The following MEGF10 variants were observed in gnomAD, a reference collection of about 807,000 sequenced individuals.
The protein encoded by MEGF10 is multiple EGF like domains 10, also known as multiple epidermal growth factor-like domains protein 10.
In MEGF10, 86 loss-of-function variants were observed where a neutral mutation model predicts 147.5. The ratio of observed to expected loss-of-function variants is 0.58; its 90% CI spans 0.49 to 0.70. MEGF10 has a LOEUF of 0.70. MEGF10 is among the 30% of genes least tolerant of loss of function. The pLI, the probability that MEGF10 is intolerant of heterozygous loss-of-function variation, is 0.00. For synonymous variants in MEGF10, 478 were observed against 525.5 expected (o/e 0.91, Z 1.24); for missense variants, 1,329 against 1,487.3 (o/e 0.89, Z 1.75).
rs142090347 is a variant in MEGF10 at position 127,432,224 on chromosome 5, ATCT to A, written c.1694-1134_1694-1132del. On this transcript the variant is annotated intron_variant, in intron 13 of 24. Coordinates refer to ENST00000503335, the MANE Select transcript of MEGF10 (RefSeq NM_001256545.2). Reference sequence around the variant, plus strand: ...AAAAAACAGGAACAGTAAAAAGTGGATCTTCTTGCTATTCCAGTGTTCACCGGA... The same window carrying A: ...AAAAAACAGGAACAGTAAAAAGTGGATCTTGCTATTCCAGTGTTCACCGGA... Among the ~76,000 whole-genome samples the A allele has an allele frequency of 2.3e-3, 352 of 152,284 alleles. 1 individual carries two copies. Among genetic ancestry groups the A allele is most frequent in the African/African-American group, 7.8e-3 (325 of 41,568 alleles).
At chr5:127,444,810 C>T (rs934531135) in intron 19 of MEGF10, 1 of 152,364 alleles carries the variant, frequency 6.6e-6, no homozygotes, top group African/African-American at 2.4e-5. Flanking sequence ...TTGAAATTAG[C>T]AAAAGGTAGA....
chr5:127,243,156 G>A, the MEGF10 span, among the ~76,000 whole-genome samples: 3 of 152,094 alleles, frequency 2.0e-5, no homozygotes, highest in African/African-American at 4.8e-5. Context: ...ACAGAGTAAA[G>A]ACATCCTGTG....
At chr5:127,240,106 A>G in the MEGF10 span, among the ~76,000 whole-genome samples, 2 of 152,164 alleles carry the variant, frequency 1.3e-5, no homozygotes, top group African/African-American at 4.8e-5. Flanking sequence ...TTCTGGCCTC[A>G]GGGCAGTTTT....
chr5:127,424,715 A>G (rs150643800), intron 13 of MEGF10: 6 of 246,812 alleles, frequency 2.4e-5, no homozygotes, highest in Non-Finnish European at 4.1e-5. Context: ...GGCCTCCCCA[A>G]CCCTGTAGTT....
chr5:127,362,748 A>C (rs1762523511), intron 4 of MEGF10, among the ~76,000 whole-genome samples: 1 of 152,120 alleles, frequency 6.6e-6, no homozygotes, highest in African/African-American at 2.4e-5. Context: ...CAATCTGTTA[A>C]TATCTGTCTT....
At position 127,435,468 on chromosome 5, in the gene MEGF10, A is replaced by C; in HGVS notation, c.2083A>C (p.Ile695Leu). The C allele has an allele frequency of 1.2e-6, 2 of 1,614,018 alleles. No homozygotes were observed. The highest frequency in any genetic ancestry group is 1.7e-6 in the Non-Finnish European group (2 of 1,179,960). ...ATCTTGTCAGTGTTACCCCGGTTGG[A>C]TTGGCAGTGACTGCTCTCAACGTAA... ...DRSCQCYPGW[I>L]GSDCSQPCPP... Residue 695 changes from isoleucine to leucine, a missense_variant, in exon 16 of 25, where the codon ATT becomes CTT. Physicochemically the swap from Ile to Leu is conservative, Grantham distance 5. Transcript: ENST00000503335.
At chr5:127,246,308 C>A in the MEGF10 span, among the ~76,000 whole-genome samples, 1 of 151,986 alleles carries the variant, frequency 6.6e-6, no homozygotes, top group Admixed American at 6.6e-5. Flanking sequence ...TTTGCCAGAA[C>A]ATGGATGAAG....
At chr5:127,418,618 C>T (rs1990955) in intron 10 of MEGF10, among the ~76,000 whole-genome samples, 1 of 152,148 alleles carries the variant, frequency 6.6e-6, no homozygotes, top group Non-Finnish European at 1.5e-5. Flanking sequence ...TTAATTCTGC[C>T]TTTAATGCTC....
chr5:127,401,226 G>A (rs1764119338), intron 7 of MEGF10, among the ~76,000 whole-genome samples: 1 of 152,160 alleles, frequency 6.6e-6, no homozygotes. Flanking sequence ...CTAGAATGGA[G>A]AGACTAGAGC....
At chr5:127,280,905 C>T in the MEGF10 span, among the ~76,000 whole-genome samples, 19 of 152,136 alleles carry the variant, frequency 1.2e-4, no homozygotes, top group Non-Finnish European at 2.1e-4. Context: ...GGACTCCTTT[C>T]CAAAGGGGCC....
At chr5:127,404,395 C>A (rs564311566) in intron 8 of MEGF10, among the ~76,000 whole-genome samples, 1 of 151,912 alleles carries the variant, frequency 6.6e-6, no homozygotes, top group Non-Finnish European at 1.5e-5. Flanking sequence ...CGGTTTTTAC[C>A]ATTGAAAGTA....
intron 1 of MEGF10, among the ~76,000 whole-genome samples, chr5:127,311,802 G>A (rs1760297820): frequency 6.6e-6 from 1 of 152,136 alleles, no homozygotes; most frequent in Non-Finnish European, 1.5e-5. Context: ...AGGAAGGCTG[G>A]CAGTAAGTTT....
chr5:127,267,199 G>T, the MEGF10 span, among the ~76,000 whole-genome samples: 1 of 152,176 alleles, frequency 6.6e-6, no homozygotes, highest in African/African-American at 2.4e-5. Context: ...TTTGTCTTTG[G>T]TTCTGTTTAT....
intron 4 of MEGF10, among the ~76,000 whole-genome samples, chr5:127,358,192 A>T (rs1009775660): frequency 6.6e-6 from 1 of 152,180 alleles, no homozygotes; most frequent in Admixed American, 6.5e-5. Context: ...CATTGACTCC[A>T]TTTATTCTCA....
the MEGF10 span, among the ~76,000 whole-genome samples, chr5:127,259,819 C>T: frequency 6.6e-6 from 1 of 152,070 alleles, no homozygotes; most frequent in Non-Finnish European, 1.5e-5. Context: ...TAACAAGAAA[C>T]TTATCTTAAA....
At chr5:127,383,744 C>T (rs1763334358) in intron 5 of MEGF10, among the ~76,000 whole-genome samples, 2 of 152,024 alleles carry the variant, frequency 1.3e-5, no homozygotes, top group Admixed American at 1.3e-4. Flanking sequence ...TTCTTGAATT[C>T]AGTGAGGAAA....
At chr5:127,329,987 T>A (rs971999251) in intron 1 of MEGF10, among the ~76,000 whole-genome samples, 18 of 152,094 alleles carry the variant, frequency 1.2e-4, no homozygotes, top group African/African-American at 4.3e-4. Context: ...CTTGATGATA[T>A]CAGAGGAACC....
At chr5:127,302,218 CA>C (rs1384166944) in intron 1 of MEGF10, among the ~76,000 whole-genome samples, 1 of 152,030 alleles carries the variant, frequency 6.6e-6, no homozygotes, top group Non-Finnish European at 1.5e-5. Flanking sequence ...GGAAACAACC[CA>C]AATGTCTATC....
intron 15 of MEGF10, among the ~76,000 whole-genome samples, chr5:127,435,069 C>T (rs1765508629): frequency 6.6e-6 from 1 of 152,138 alleles, no homozygotes; most frequent in Non-Finnish European, 1.5e-5. Context: ...GACATGTCCT[C>T]CCATAAAAAA....
Sources: gnomAD v4.1 joint callset for allele counts (sites outside exome capture counted in the v4.1 genomes callset) on GRCh38, gnomAD v4.1.1 for gene constraint, MANE v1.5 for transcripts, NCBI Gene and HGNC (gene_info 2026-07-23, HGNC 2026-07-21) for gene names.